COL28A1: variants seen among roughly 807,000 people sequenced by gnomAD.
COL28A1 encodes collagen alpha-1(XXVIII) chain.
In COL28A1, 161 loss-of-function variants were observed where a neutral mutation model predicts 150.2. That is an observed-to-expected ratio of 1.07 (90% confidence interval 0.94 to 1.22). The LOEUF is 1.22. COL28A1 is among the 50% of genes most tolerant of loss of function. COL28A1 has a pLI of 0.00. For missense variants in COL28A1, 1,617 were observed against 1,388.3 expected, an observed-to-expected ratio of 1.16 and a Z score of -2.62; for synonymous variants, 552 against 469.7, an observed-to-expected ratio of 1.18 and a Z score of -2.26.
the COL28A1 span, among the ~76,000 whole-genome samples, chr7:7,344,954 G>A: frequency 1.3e-5 from 2 of 151,706 alleles, no homozygotes; most frequent in Non-Finnish European, 1.5e-5. Context: ...AATTGCAGGT[G>A]CACAACCAAA....
chr7:7,347,547 T>C, the COL28A1 span, among the ~76,000 whole-genome samples: 1 of 152,174 alleles, frequency 6.6e-6, no homozygotes, highest in African/African-American at 2.4e-5. Context: ...CCAACTTCAC[T>C]GCCCCAGGTT....
intron 13 of COL28A1, among the ~76,000 whole-genome samples, chr7:7,481,958 T>G (rs141010443): frequency 6.6e-6 from 1 of 152,184 alleles, no homozygotes; most frequent in African/African-American, 2.4e-5. Flanking sequence ...TTAACCAATT[T>G]AATTTTTATG....
At chr7:7,500,535 A>G (rs1173931307) in intron 11 of COL28A1, among the ~76,000 whole-genome samples, 2 of 152,232 alleles carry the variant, frequency 1.3e-5, no homozygotes, top group Admixed American at 1.3e-4. Context: ...TTAACGGTAT[A>G]ATACATGGAA....
At chr7:7,372,954 A>C in intron 32 of COL28A1, 44 bp downstream of exon 32, 1 of 1,537,802 alleles carries the variant, frequency 6.5e-7, no homozygotes, top group African/African-American at 1.4e-5. Context: ...TACTTAGAGG[A>C]ACAACATAAA....
intron 15 of COL28A1, among the ~76,000 whole-genome samples, chr7:7,471,120 AT>A (rs1481133663): frequency 2.0e-4 from 27 of 132,560 alleles, no homozygotes; most frequent in East Asian, 4.4e-4. Flanking sequence ...ATAAAAAAAA[AT>A]AATTAAAAAA....
chr7:7,508,181 G>C lies in COL28A1; in HGVS notation c.928-1020C>G, dbSNP rs544554827. 3.3e-5 allele frequency among the ~76,000 whole-genome samples: 5 copies of C among 151,432 alleles called. No individual in the cohort carries two copies. The South Asian group carries it at 1.0e-3, about 32-fold the overall frequency. ...CGGGAGGCGGAGCTTGCAGTGAGCT[G>C]AGATCGCGCCACTGCACTCCAGCCT... On this transcript the variant is annotated intron_variant, in intron 9 of 34. Coordinates refer to ENST00000399429, the MANE Select transcript of COL28A1 (RefSeq NM_001037763.3).
chr7:7,355,972 T>C (rs920496311), downstream of COL28A1, among the ~76,000 whole-genome samples: 12 of 152,254 alleles, frequency 7.9e-5, no homozygotes, highest in Admixed American at 5.9e-4. Flanking sequence ...TTGTGGTATA[T>C]TCACACAAAT....
intron 27 of COL28A1, among the ~76,000 whole-genome samples, chr7:7,414,399 C>G (rs528354124): frequency 6.6e-6 from 1 of 152,326 alleles, no homozygotes; most frequent in East Asian, 1.9e-4. Flanking sequence ...ATCCAAACAA[C>G]AGACATCTGT....
chr7:7,425,894 G>A (rs1351261572), intron 25 of COL28A1, among the ~76,000 whole-genome samples: 1 of 152,060 alleles, frequency 6.6e-6, no homozygotes, highest in Non-Finnish European at 1.5e-5. Context: ...TACCTTATGA[G>A]TTTTCTAAAA....
intron 4 of COL28A1, among the ~76,000 whole-genome samples, chr7:7,523,993 A>G (rs954024226): frequency 6.6e-6 from 1 of 152,248 alleles, no homozygotes; most frequent in Non-Finnish European, 1.5e-5. Context: ...ACTGATTTCT[A>G]AAATCACTCC....
intron 34 of COL28A1, among the ~76,000 whole-genome samples, chr7:7,359,781 A>ATT (rs1780546323): frequency 6.6e-6 from 1 of 152,158 alleles, no homozygotes; most frequent in South Asian, 2.1e-4. Flanking sequence ...GACTCCCTAG[A>ATT]CCAAATGGAA....
At chr7:7,475,579 A>G (rs1368651289) in intron 14 of COL28A1, among the ~76,000 whole-genome samples, 4 of 152,206 alleles carry the variant, frequency 2.6e-5, no homozygotes, top group African/African-American at 9.6e-5. Context: ...ATATAATATA[A>G]AAGTATGTTG....
chr7:7,481,717 C>T (rs1035716177), intron 13 of COL28A1, among the ~76,000 whole-genome samples: 17 of 152,072 alleles, frequency 1.1e-4, no homozygotes, highest in African/African-American at 2.4e-4. Context: ...TATTACTTTC[C>T]GTAGTAATCT....
rs555522000 is a variant in COL28A1 at position 7,508,565 on chromosome 7, G to A, written c.928-1404C>T. Among the ~76,000 whole-genome samples the A allele has an allele frequency of 1.7e-4, 26 of 152,348 alleles. 1 individual carries two copies. The South Asian group carries it at 5.0e-3, about 29-fold the overall frequency. The stretch of plus-strand genomic sequence containing the variant: ...TCATTTCCACTACCCGAGTATGAGA[G>A]AGTGTATCTTCATCTTATGGGCTCC... On this transcript the variant is annotated intron_variant, in intron 9 of 34. Transcript: ENST00000399429.
rs1189661892 is a variant in COL28A1 at position 7,373,705 on chromosome 7, C to T, written c.2360-159G>A. On this transcript the variant is annotated intron_variant, in intron 31 of 34. Coordinates refer to ENST00000399429, the MANE Select transcript of COL28A1 (RefSeq NM_001037763.3). The surrounding 1 kb of genome is among the most constrained non-coding windows in gnomAD (Gnocchi z 4.1). ...CTGACAGCTGTCTCCATTCTGGTTTCTTTTTTTTTTTGTGAGACAGAGTCT... is the reference window on the plus strand; with the variant it reads ...CTGACAGCTGTCTCCATTCTGGTTTTTTTTTTTTTTTGTGAGACAGAGTCT... 2.8e-5 allele frequency among the ~76,000 whole-genome samples: 4 copies of T among 144,056 alleles called. No homozygotes were observed. Among genetic ancestry groups the T allele is most frequent in the African/African-American group, 5.3e-5 (2 of 38,000 alleles). 94.5% of individuals were successfully genotyped at this position (144,056 alleles called of 152,430 possible).
chr7:7,420,783 T>C (rs1275409327), intron 25 of COL28A1, among the ~76,000 whole-genome samples: 2 of 152,230 alleles, frequency 1.3e-5, no homozygotes, highest in Non-Finnish European at 2.9e-5. Flanking sequence ...GAATAGGCAC[T>C]TGGTATATGT....
At chr7:7,495,838 A>C (rs1036504226) in intron 11 of COL28A1, among the ~76,000 whole-genome samples, 6 of 152,092 alleles carry the variant, frequency 3.9e-5, no homozygotes, top group African/African-American at 1.4e-4. Context: ...CAATTTTTTA[A>C]TTTTAATTTT....
chr7:7,493,934 C>G, intron 11 of COL28A1, among the ~76,000 whole-genome samples: 1 of 152,118 alleles, frequency 6.6e-6, no homozygotes, highest in East Asian at 1.9e-4. Flanking sequence ...ACTTTACTTT[C>G]ATTTGCCATC....
intron 8 of COL28A1, 48 bp from the exon 9 acceptor site, chr7:7,511,183 C>A: frequency 7.2e-7 from 1 of 1,386,072 alleles, no homozygotes; most frequent in South Asian, 1.2e-5. Context: ...TGCAGTCATT[C>A]ACTATTAAGA....
Sources: allele counts gnomAD v4.1 joint callset (sites outside exome capture counted in the v4.1 genomes callset), GRCh38; gene constraint gnomAD v4.1.1; non-coding constraint Gnocchi (gnomAD v3.1); transcripts MANE v1.5; gene names NCBI Gene and HGNC (gene_info 2026-07-23, HGNC 2026-07-21).